The following DPYSL4 variants were observed in gnomAD, a reference collection of about 807,000 sequenced individuals.
DPYSL4 encodes the protein dihydropyrimidinase-related protein 4.
Under a neutral mutation model 63.4 loss-of-function variants are expected in DPYSL4, and 43 were observed. The observed-to-expected ratio is 0.68, with a 90% CI of 0.53 to 0.88. The LOEUF is 0.88. Ranked by LOEUF, DPYSL4 falls within the 40% of genes least tolerant of loss-of-function variation. The pLI, the probability that DPYSL4 is intolerant of heterozygous loss-of-function variation, is 0.00. For missense variants in DPYSL4, 733 were observed against 819.5 expected, an observed-to-expected ratio of 0.89 and a Z score of 1.29; for synonymous variants, 353 against 331.7, an observed-to-expected ratio of 1.06 and a Z score of -0.70.
rs1590109228 is a variant in DPYSL4, at chr10:132,204,912, C to T, written c.1701C>T (p.Asn567=). 5 of 1,611,980 alleles carry T rather than the reference C, an allele frequency of 3.1e-6. No individual in the cohort carries two copies. In the East Asian group the frequency reaches 1.1e-4, roughly 36 times the overall value. ...KIMAPPGGRS[N]ITSLS Reference sequence around the variant, plus strand: ...TGGCACCACCTGGCGGCCGCTCCAACATCACCTCTCTCTCCTAGACGCCCA... The same window carrying T: ...TGGCACCACCTGGCGGCCGCTCCAATATCACCTCTCTCTCCTAGACGCCCA... The change falls in exon 14 of 14, where the codon AAC becomes AAT. Residue 567 remains asparagine, a synonymous_variant. Coordinates refer to ENST00000338492, the MANE Select transcript of DPYSL4 (RefSeq NM_006426.3).
At chr10:132,196,789 C>A in intron 4 of DPYSL4, 72 bp from the exon 5 acceptor site, 1 of 1,554,578 alleles carries the variant, frequency 6.4e-7, no homozygotes. Flanking sequence ...CTCCAGTGGG[C>A]AGGAGCAGCA....
rs1438506403 is a variant in DPYSL4, at chr10:132,204,978, C to CG, written c.*53dup. ...GCCGTGCTGGCCCCACCCGAGGCCG[C>CG]GGGGGCCCCAGGGCACTCGCCCCCC... On this transcript the variant is annotated 3_prime_UTR_variant, in exon 14 of 14. Transcript: ENST00000338492. The CG allele has an allele frequency of 5.2e-5, 78 of 1,514,474 alleles. No individual in the cohort carries two copies. The highest frequency in any genetic ancestry group is 6.7e-5 in the Non-Finnish European group (75 of 1,118,864). The allele number at this position is 1,514,474 out of a possible 1,614,324, so 93.8% of individuals were successfully genotyped here. A position where few individuals can be genotyped will look rare whatever the true frequency, so the allele number is the denominator to read the frequency against.
intron 13 of DPYSL4, 73 bp downstream of exon 13, chr10:132,204,000 C>A (rs2062059949): frequency 2.6e-6 from 4 of 1,524,444 alleles, no homozygotes; most frequent in South Asian, 1.2e-5. Flanking sequence ...GTACCAGGGC[C>A]CAGCCTGTGC....
rs1233018473 is a variant in DPYSL4, at chr10:132,202,786, C to T, written c.1422C>T (p.Phe474=). 4 of 1,609,952 alleles carry T rather than the reference C, an allele frequency of 2.5e-6. No homozygotes were observed. Among genetic ancestry groups the T allele is most frequent in the South Asian group, 2.2e-5 (2 of 90,508 alleles). Residue 474 remains phenylalanine (F), a synonymous_variant, in exon 12 of 14, where the codon TTC becomes TTT. Transcript: ENST00000338492. ...GCCGCTTCGTCCCTCGGAAAACATT[C>T]CCGGACTTTGTCTACAAGAGGATCA... ...GAGRFVPRKT[F]PDFVYKRIKA...
chr10:132,202,229 A>G, intron 11 of DPYSL4, 113 bp downstream of exon 11: 1 of 1,383,486 alleles, frequency 7.2e-7, no homozygotes, highest in Non-Finnish European at 9.7e-7. Flanking sequence ...CAGTGGCCTC[A>G]GCCATCCCAG....
At chr10:132,193,843 CG>C (rs2061907447) in intron 3 of DPYSL4, among the ~76,000 whole-genome samples, 1 of 152,228 alleles carries the variant, frequency 6.6e-6, no homozygotes, top group Admixed American at 6.5e-5. Flanking sequence ...AAACACCTCG[CG>C]GGACATTTAG....
At chr10:132,200,730 C>A in intron 9 of DPYSL4, 112 bp from the exon 10 acceptor site, 1 of 1,438,934 alleles carries the variant, frequency 6.9e-7, no homozygotes, top group Non-Finnish European at 9.3e-7. Context: ...CCAGCGAGAG[C>A]CACTCAGATG....
At chr10:132,188,431 C>T (rs1441931054) in intron 1 of DPYSL4, among the ~76,000 whole-genome samples, 1 of 152,166 alleles carries the variant, frequency 6.6e-6, no homozygotes, top group South Asian at 2.1e-4. Context: ...ATGCGTGGGT[C>T]CCCTGGGAGG....
chr10:132,197,775 G>A (rs763999369), intron 6 of DPYSL4, among the ~76,000 whole-genome samples: 10 of 152,176 alleles, frequency 6.6e-5, no homozygotes, highest in Non-Finnish European at 1.2e-4. Flanking sequence ...GGTGGCACTC[G>A]GGCAGGGGCA....
At chr10:132,202,948 C>T (rs770715684) in intron 12 of DPYSL4, 123 bp downstream of exon 12, 250 of 1,213,204 alleles carry the variant, frequency 2.1e-4, no homozygotes, top group Non-Finnish European at 2.4e-4. Context: ...AGAGCGGGGC[C>T]GCTGCTTGCC....
At chr10:132,202,580 C>G in intron 11 of DPYSL4, 66 bp from the exon 12 acceptor site, 1 of 1,586,372 alleles carries the variant, frequency 6.3e-7, no homozygotes, top group Non-Finnish European at 8.6e-7. Context: ...GCTCCAGCGG[C>G]TCAACGGGGA....
intron 1 of DPYSL4, among the ~76,000 whole-genome samples, chr10:132,190,468 C>T (rs940529539): frequency 2.0e-5 from 3 of 152,248 alleles, no homozygotes; most frequent in Non-Finnish European, 4.4e-5. Flanking sequence ...ATAAATATGA[C>T]CTGTGGCACT....
At position 132,202,771 on chromosome 10, in the gene DPYSL4, C is replaced by T; in HGVS notation, c.1407C>T (p.Val469=). 1 of 1,612,242 alleles carries T rather than the reference C, an allele frequency of 6.2e-7. No individual in the cohort carries two copies. Among genetic ancestry groups the T allele is most frequent in the Non-Finnish European group, 8.5e-7 (1 of 1,179,442 alleles). The change falls in exon 12 of 14, where the codon GTC becomes GTT. Residue 469 remains valine, a synonymous_variant. Coordinates refer to ENST00000338492, the MANE Select transcript of DPYSL4 (RefSeq NM_006426.3). ...TCACCCCGGGGGCGGGCCGCTTCGT[C>T]CCTCGGAAAACATTCCCGGACTTTG... ...MFVTPGAGRF[V]PRKTFPDFVY...
intron 4 of DPYSL4, among the ~76,000 whole-genome samples, chr10:132,195,248 G>A (rs953754663): frequency 6.6e-6 from 1 of 152,196 alleles, no homozygotes; most frequent in South Asian, 2.1e-4. Context: ...ATGAAAAGAT[G>A]CAGCAGATCC....
At chr10:132,190,713 T>C (rs750592185) in intron 1 of DPYSL4, 34 bp from the exon 2 acceptor site, 1 of 1,596,372 alleles carries the variant, frequency 6.3e-7, no homozygotes, top group East Asian at 2.2e-5. Flanking sequence ...GTAACTCAGT[T>C]TGGAGAAAAA....
chr10:132,194,738 A>G, intron 3 of DPYSL4, 107 bp from the exon 4 acceptor site: 1 of 1,442,152 alleles, frequency 6.9e-7, no homozygotes, highest in Admixed American at 1.9e-5. Context: ...TCTCCCTCAA[A>G]TGGTCCTCTG....
chr10:132,194,534 G>A (rs375617044), intron 3 of DPYSL4, among the ~76,000 whole-genome samples: 5 of 152,214 alleles, frequency 3.3e-5, no homozygotes, highest in African/African-American at 7.2e-5. Context: ...GCAAAGCCCC[G>A]ACCTCCTGTG....
chr10:132,197,978 C>T (rs1565043014), intron 6 of DPYSL4, among the ~76,000 whole-genome samples: 1 of 152,334 alleles, frequency 6.6e-6, no homozygotes, highest in East Asian at 1.9e-4. Context: ...ACCATGTCTT[C>T]CCTGACACGA....
Position 132,194,864 on chromosome 10 carries a change from C to T in DPYSL4, c.333C>T (p.Asp111=). ...TCACAGTGGACCACGTCTTCCCCGA[C>T]ACGGGTGTGAGCCTGCTGGCGGCCT... ...TTMILDHVFP[D]TGVSLLAAYE... Residue 111 remains aspartate, a synonymous_variant, in exon 4 of 14, where the codon GAC becomes GAT. Transcript: ENST00000338492. The T allele has an allele frequency of 1.2e-6, 2 of 1,612,722 alleles. No homozygotes were observed. The highest frequency in any genetic ancestry group is 1.7e-6 in the Non-Finnish European group (2 of 1,179,844).
Sources: allele counts gnomAD v4.1 joint callset (sites outside exome capture counted in the v4.1 genomes callset), GRCh38; gene constraint gnomAD v4.1.1; transcripts MANE v1.5; gene names NCBI Gene and HGNC (gene_info 2026-07-23, HGNC 2026-07-21).